Variants in F8 observed in about 807,000 individuals in gnomAD.
F8 encodes the protein antihemophilic factor.
A neutral mutation model predicts 140.6 loss-of-function variants in F8; 12 were observed. That is an observed-to-expected ratio of 0.09 (90% confidence interval 0.05 to 0.14). The LOEUF is 0.14. Among genes scored for constraint, F8 ranks in the 10% least tolerant of loss-of-function variants. The pLI is 1.00. For synonymous variants in F8, 585 were observed against 614.6 expected (o/e 0.95, Z 0.71); for missense variants, 1,354 against 1,720.7 (o/e 0.79, Z 3.77).
intron 3 of F8, among the ~76,000 whole-genome samples, chrX:154,993,689 T>C (rs1256253693): frequency 8.9e-6 from 1 of 112,456 alleles, no homozygotes; most frequent in Non-Finnish European, 1.9e-5. Context: ...TATCTCCACA[T>C]TCTGTTAAAT....
At chrX:154,839,967 T>C (rs1300906450) in intron 25 of F8, among the ~76,000 whole-genome samples, 1 of 112,500 alleles carries the variant, frequency 8.9e-6, no homozygotes, top group Admixed American at 9.4e-5. Context: ...ATTTTACAAA[T>C]GTTTACGCTG....
intron 4 of F8, among the ~76,000 whole-genome samples, chrX:154,990,695 G>A (rs782647528): frequency 9.0e-6 from 1 of 111,506 alleles, no homozygotes; most frequent in East Asian, 2.8e-4. Context: ...TTTATGGGAC[G>A]TAAAGGCTAA....
At chrX:154,980,706 C>G (rs1464345195) in intron 6 of F8, among the ~76,000 whole-genome samples, 1 of 111,887 alleles carries the variant, frequency 8.9e-6, no homozygotes, top group Non-Finnish European at 1.9e-5. Context: ...TACTTGTAAC[C>G]TAGCACTTTA....
chrX:154,864,975 CT>C (rs782690519), intron 22 of F8, among the ~76,000 whole-genome samples: 37 of 111,548 alleles, frequency 3.3e-4, no homozygotes, highest in Non-Finnish European at 6.4e-4. Context: ...GAAGTGCCAT[CT>C]GGATTCATTA....
At chrX:154,937,644 A>G (rs1446417011) in intron 13 of F8, among the ~76,000 whole-genome samples, 1 of 111,706 alleles carries the variant, frequency 9.0e-6, no homozygotes, top group Non-Finnish European at 1.9e-5. Flanking sequence ...TATTTCTAGA[A>G]AAACACAATT....
chrX:154,957,757 G>A (rs782125761), intron 10 of F8, among the ~76,000 whole-genome samples: 1 of 108,277 alleles, frequency 9.2e-6, no homozygotes, highest in Non-Finnish European at 1.9e-5. Context: ...GTGGTGGCAG[G>A]CACTTGTAAT....
chrX:154,878,200 C>CA (rs1406703638), intron 22 of F8, among the ~76,000 whole-genome samples: 1 of 110,425 alleles, frequency 9.1e-6, no homozygotes, highest in African/African-American at 3.3e-5. Context: ...CATCTAGGTG[C>CA]AAAAATCTTC....
At chrX:154,939,403 G>A (rs782040196) in intron 13 of F8, among the ~76,000 whole-genome samples, 26 of 112,750 alleles carry the variant, frequency 2.3e-4, no homozygotes, top group Non-Finnish European at 4.3e-4. Flanking sequence ...TACGCCCATG[G>A]AGCCTTGCTC....
At chrX:154,995,222 T>C (rs1318904898) in intron 3 of F8, among the ~76,000 whole-genome samples, 1 of 112,070 alleles carries the variant, frequency 8.9e-6, no homozygotes, top group Non-Finnish European at 1.9e-5. Context: ...AGGCTCACGT[T>C]GTGGTGGGGG....
Position 154,930,725 on chromosome X carries a change from G to A in F8, c.3065C>T (p.Thr1022Ile). 5.8e-6 allele frequency: 7 copies of A among 1,208,813 alleles called. No individual in the cohort carries two copies. Among genetic ancestry groups the A allele is most frequent in the Non-Finnish European group, 7.8e-6 (7 of 893,612 alleles). ...VSISLLKTNK[T>I]SNNSATNRKT... is the part of the protein sequence containing the mutation. ...TCTATTAGTTGCTGAATTATTGGAA[G>A]TTTTGTTTGTCTTTAACAAAGAGAT... The change falls in exon 14 of 26, where the codon ACT becomes ATT. Residue 1022 changes from threonine (T) to isoleucine (I), a missense_variant. Thr to Ile is a moderately conservative substitution (Grantham distance 89). Around this residue, in one of 4 missense-constraint regions of F8, gnomAD observed 658 missense variants for 666.5 expected, o/e 0.99. Coordinates refer to ENST00000360256, the MANE Select transcript of F8 (RefSeq NM_000132.4).
chrX:154,873,201 C>A (rs1163282960), intron 22 of F8, among the ~76,000 whole-genome samples: 1 of 108,060 alleles, frequency 9.3e-6, no homozygotes, highest in Non-Finnish European at 1.9e-5. Context: ...TATGAAATCA[C>A]AAAAGACCCC....
chrX:155,011,180 A>C (rs944633043), intron 1 of F8, among the ~76,000 whole-genome samples: 1 of 112,432 alleles, frequency 8.9e-6, no homozygotes, highest in African/African-American at 3.2e-5. Flanking sequence ...AATATTAAGA[A>C]TAAATAAAGA....
At chrX:154,926,811 T>C (rs138784955) in intron 14 of F8, among the ~76,000 whole-genome samples, 1,739 of 111,941 alleles carry the variant, frequency 0.016, 26 homozygotes, top group African/African-American at 0.052. Flanking sequence ...GAGAGAGATC[T>C]GAGAATATCT....
At chrX:154,870,082 A>G (rs782048277) in intron 22 of F8, among the ~76,000 whole-genome samples, 1 of 112,046 alleles carries the variant, frequency 8.9e-6, no homozygotes, top group Non-Finnish European at 1.9e-5. Flanking sequence ...AAAGTACAGG[A>G]CCAGACGGAT....
chrX:154,904,704 C>T lies in F8; in HGVS notation c.5586+107G>A, dbSNP rs1339446588. On this transcript the variant is annotated intron_variant, in intron 16 of 25. Transcript: ENST00000360256. ...AACACAAATATAATGATCAACTCTC[C>T]TATTTAAAGCTTCTTATTGCACGTA... The T allele has an allele frequency of 6.8e-5, 51 of 747,493 alleles. No individual in the cohort carries two copies. In the Admixed American group the frequency reaches 1.2e-3, roughly 18 times the overall value. 61.6% of individuals were successfully genotyped at this position (747,493 alleles called of 1,213,427 possible). A position where few individuals can be genotyped will look rare whatever the true frequency, so the allele number is the denominator to read the frequency against.
intron 25 of F8, among the ~76,000 whole-genome samples, chrX:154,840,865 A>G (rs2072514029): frequency 8.9e-6 from 1 of 112,323 alleles, no homozygotes; most frequent in Non-Finnish European, 1.9e-5. Context: ...ATCACATTCT[A>G]TTGATCAAGA....
chrX:154,860,622 A>C lies in F8; in HGVS notation c.6724-14T>G, dbSNP rs1557272804. Reference sequence around the variant, plus strand: ...TGGATTATTCACCTGAGGGCAATAGAGTTGGACTAGTAGCCTCTTGGTCAC... The same window carrying C: ...TGGATTATTCACCTGAGGGCAATAGCGTTGGACTAGTAGCCTCTTGGTCAC... On this transcript the variant is annotated splice_polypyrimidine_tract_variant and intron_variant, in intron 24 of 25. Coordinates refer to ENST00000360256, the MANE Select transcript of F8 (RefSeq NM_000132.4). 6 of 1,206,505 alleles carry C rather than the reference A, an allele frequency of 5.0e-6. No homozygotes were observed. The highest frequency in any genetic ancestry group is 6.7e-6 in the Non-Finnish European group (6 of 890,681).
chrX:154,849,475 T>TG (rs1319839895), intron 25 of F8, among the ~76,000 whole-genome samples: 1 of 106,929 alleles, frequency 9.4e-6, no homozygotes, highest in African/African-American at 3.4e-5. Flanking sequence ...TTTTTTTTTT[T>TG]TTTAAAGAGA....
intron 4 of F8, among the ~76,000 whole-genome samples, chrX:154,989,322 A>T (rs1408057629): frequency 1.8e-5 from 2 of 111,164 alleles, no homozygotes; most frequent in South Asian, 7.6e-4. Context: ...AGCTCATGAA[A>T]CCCCATCATC....
Sources: gnomAD v4.1 joint callset for allele counts (sites outside exome capture counted in the v4.1 genomes callset) on GRCh38, gnomAD v4.1.1 for gene constraint, gnomAD v4.1.1 regional missense constraint, MANE v1.5 for transcripts, NCBI Gene and HGNC (gene_info 2026-07-23, HGNC 2026-07-21) for gene names.